MORC1: variants seen among roughly 807,000 people sequenced by gnomAD.
MORC1 encodes the protein MORC family CW-type zinc finger protein 1.
MORC1 carries 59 observed loss-of-function variants against 134.9 expected under a neutral mutation model. The ratio of observed to expected loss-of-function variants is 0.44; its 90% CI spans 0.35 to 0.54. The LOEUF is 0.54. Among genes scored for constraint, MORC1 ranks in the 20% least tolerant of loss-of-function variants. The probability of loss-of-function intolerance (pLI) is 0.00; values close to 1 mark genes in which losing one functional copy is unlikely to be tolerated. For synonymous variants in MORC1, 395 were observed against 391.7 expected (o/e 1.01, Z -0.10); for missense variants, 947 against 1,134.5 (o/e 0.83, Z 2.37).
In MORC1 at chr3:109,079,624, A is replaced by G. The variant is rs536427465; in HGVS notation, c.690-9867T>C. On this transcript the variant is annotated intron_variant, in intron 8 of 27. Coordinates refer to ENST00000232603, the MANE Select transcript of MORC1 (RefSeq NM_014429.4). ...AACAAAGCAAAGAAGCATACCTACT[A>G]TTACCACTTCTATTTAACTAGCCAA... Among the ~76,000 whole-genome samples, 9 of 152,264 alleles carry G rather than the reference A, an allele frequency of 5.9e-5. No homozygotes were observed. In the East Asian group the frequency reaches 1.3e-3, roughly 23 times the overall value.
At chr3:109,007,430 G>A (rs1948567030) in intron 17 of MORC1, among the ~76,000 whole-genome samples, 1 of 152,146 alleles carries the variant, frequency 6.6e-6, no homozygotes, top group Non-Finnish European at 1.5e-5. Flanking sequence ...ACAGAGTACA[G>A]GGTCTGGAAG....
chr3:108,966,200 A>C (rs2107368430), intron 26 of MORC1, among the ~76,000 whole-genome samples: 1 of 152,320 alleles, frequency 6.6e-6, no homozygotes, highest in South Asian at 2.1e-4. Flanking sequence ...CAGATCAAAA[A>C]CCAAAGTCTT....
chr3:109,110,578 A>G (rs1398329522), intron 3 of MORC1, among the ~76,000 whole-genome samples, 171 bp downstream of exon 3: 1 of 152,194 alleles, frequency 6.6e-6, no homozygotes, highest in Non-Finnish European at 1.5e-5. Context: ...TTTGACTCTC[A>G]GAGTATACTC....
chr3:108,982,950 A>G (rs1033940812), intron 23 of MORC1, among the ~76,000 whole-genome samples: 3 of 122,014 alleles, frequency 2.5e-5, no homozygotes, highest in African/African-American at 1.0e-4. Context: ...TTTTTTTTAA[A>G]TGCAAAAAAA....
intron 21 of MORC1, among the ~76,000 whole-genome samples, chr3:108,998,580 A>G (rs1948304383): frequency 6.6e-6 from 1 of 152,134 alleles, no homozygotes; most frequent in South Asian, 2.1e-4. Flanking sequence ...TCACACGTGC[A>G]CACAGACACA....
chr3:109,100,338 C>T, intron 5 of MORC1, 79 bp downstream of exon 5: 1 of 1,093,966 alleles, frequency 9.1e-7, no homozygotes, highest in Non-Finnish European at 1.4e-6. Context: ...TACATGCCTG[C>T]ATCATTCTGT....
chr3:108,978,331 C>T (rs1320224697), intron 24 of MORC1, among the ~76,000 whole-genome samples: 2 of 152,206 alleles, frequency 1.3e-5, no homozygotes, highest in African/African-American at 4.8e-5. Context: ...GTATTCATTG[C>T]TCCATCAACA....
chr3:108,968,732 A>G (rs546473984), intron 26 of MORC1, among the ~76,000 whole-genome samples: 1 of 149,298 alleles, frequency 6.7e-6, no homozygotes, highest in Admixed American at 6.7e-5. Context: ...ACATAAGCAT[A>G]CAGAAGAAGA....
chr3:109,002,815 C>A (rs1432144719), intron 20 of MORC1, among the ~76,000 whole-genome samples: 1 of 152,172 alleles, frequency 6.6e-6, no homozygotes, highest in Non-Finnish European at 1.5e-5. Flanking sequence ...AGGATAAATG[C>A]AAAACCCCTT....
intron 3 of MORC1, among the ~76,000 whole-genome samples, chr3:109,104,968 C>T (rs1026144842): frequency 6.6e-6 from 1 of 152,146 alleles, no homozygotes; most frequent in South Asian, 2.1e-4. Flanking sequence ...CTTTGTAAAT[C>T]CTTCCTTAGG....
intron 14 of MORC1, among the ~76,000 whole-genome samples, chr3:109,046,516 G>A (rs1949700288): frequency 6.6e-6 from 1 of 152,160 alleles, no homozygotes; most frequent in Non-Finnish European, 1.5e-5. Flanking sequence ...CAATAGCCTA[G>A]TCAGCTCTGT....
Position 109,008,247 on chromosome 3 carries a change from G to A in MORC1, c.1705-1156C>T, listed in dbSNP as rs533346464. 2.7e-4 allele frequency among the ~76,000 whole-genome samples: 41 copies of A among 152,094 alleles called. No individual in the cohort carries two copies. In the South Asian group the frequency reaches 3.5e-3, roughly 13 times the overall value. On this transcript the variant is annotated intron_variant, in intron 17 of 27. Coordinates refer to ENST00000232603, the MANE Select transcript of MORC1 (RefSeq NM_014429.4). ...TGTAAATAGGTAATTTCACATTTGGGTGAATATGTCCATATAATCAATTTC... is the reference window on the plus strand; with the variant it reads ...TGTAAATAGGTAATTTCACATTTGGATGAATATGTCCATATAATCAATTTC...
At chr3:108,985,756 T>A (rs1400862627) in intron 22 of MORC1, among the ~76,000 whole-genome samples, 1 of 152,222 alleles carries the variant, frequency 6.6e-6, no homozygotes, top group Non-Finnish European at 1.5e-5. Context: ...AATTTTAGGA[T>A]AAAATTGTAT....
At chr3:109,073,384 A>T (rs918424982) in intron 8 of MORC1, among the ~76,000 whole-genome samples, 2 of 136,646 alleles carry the variant, frequency 1.5e-5, no homozygotes, top group Non-Finnish European at 3.2e-5. Flanking sequence ...TTTTAAAGCT[A>T]CCCAGGTGAT....
At chr3:109,093,270 T>G (rs1276465258) in intron 8 of MORC1, among the ~76,000 whole-genome samples, 166 bp downstream of exon 8, 1 of 152,152 alleles carries the variant, frequency 6.6e-6, no homozygotes, top group Non-Finnish European at 1.5e-5. Flanking sequence ...CTCTGAAGCT[T>G]AAAGTTTGGA....
At chr3:109,090,138 G>A (rs1473067818) in intron 8 of MORC1, among the ~76,000 whole-genome samples, 1 of 151,950 alleles carries the variant, frequency 6.6e-6, no homozygotes. Flanking sequence ...AGTGGAAACA[G>A]GTCACCTTTA....
At chr3:109,035,542 T>C in intron 14 of MORC1, 74 bp from the exon 15 acceptor site, 1 of 924,310 alleles carries the variant, frequency 1.1e-6, no homozygotes, top group Non-Finnish European at 1.6e-6. Flanking sequence ...AAAGGGAAGT[T>C]TGTATATACA....
At chr3:109,020,935 C>T (rs1408910609) in intron 17 of MORC1, among the ~76,000 whole-genome samples, 1 of 152,096 alleles carries the variant, frequency 6.6e-6, no homozygotes, top group African/African-American at 2.4e-5. Flanking sequence ...AGTCATGAAA[C>T]ACAATTCCCC....
chr3:109,102,641 G>A (rs1220265819), intron 4 of MORC1, among the ~76,000 whole-genome samples: 1 of 152,058 alleles, frequency 6.6e-6, no homozygotes, highest in African/African-American at 2.4e-5. Context: ...CCTTCTGAAG[G>A]TCTGAATATC....
Sources: gnomAD v4.1 joint callset for allele counts (sites outside exome capture counted in the v4.1 genomes callset) on GRCh38, gnomAD v4.1.1 for gene constraint, MANE v1.5 for transcripts, NCBI Gene and HGNC (gene_info 2026-07-23, HGNC 2026-07-21) for gene names.